Variants in SOX5 observed in about 807,000 individuals in gnomAD.
The protein encoded by SOX5 is SRY-box transcription factor 5, also known as transcription factor SOX-5.
A neutral mutation model predicts 92.0 loss-of-function variants in SOX5; 9 were observed. That is an observed-to-expected ratio of 0.10 (90% CI 0.06 to 0.17). The LOEUF (loss-of-function observed/expected upper bound fraction) is 0.17. Among genes scored for constraint, SOX5 ranks in the 10% least tolerant of loss-of-function variants. The probability of loss-of-function intolerance (pLI) is 1.00; values close to 1 mark genes in which losing one functional copy is unlikely to be tolerated. For missense variants in SOX5, 642 were observed against 944.5 expected (o/e 0.68, Z 4.20); for synonymous variants, 344 against 336.3 (o/e 1.02, Z -0.25).
chr12:24,110,008 A>G (rs933966424), intron 4 of SOX5, among the ~76,000 whole-genome samples: 2 of 152,218 alleles, frequency 1.3e-5, no homozygotes, highest in Non-Finnish European at 2.9e-5. Context: ...AGGTTTCAAC[A>G]TGAATTTTGG....
intron 11 of SOX5, among the ~76,000 whole-genome samples, chr12:23,560,736 C>T (rs1237063652): frequency 1.3e-5 from 2 of 152,172 alleles, no homozygotes; most frequent in Non-Finnish European, 2.9e-5. Flanking sequence ...GTAAGTGTGA[C>T]ATTATTATCT....
chr12:24,074,875 C>T (rs1368690931), intron 4 of SOX5, among the ~76,000 whole-genome samples: 6 of 136,288 alleles, frequency 4.4e-5, no homozygotes, highest in African/African-American at 1.5e-4. Context: ...GGATTACTTT[C>T]TTTTGTTTTT....
chr12:23,711,875 T>A (rs2092084890), intron 6 of SOX5, among the ~76,000 whole-genome samples: 1 of 152,202 alleles, frequency 6.6e-6, no homozygotes, highest in African/African-American at 2.4e-5. Context: ...CTATTAATAT[T>A]TTCTTTTTAA....
intron 1 of SOX5, among the ~76,000 whole-genome samples, chr12:23,943,961 G>C (rs1424736135): frequency 6.6e-6 from 1 of 152,084 alleles, no homozygotes; most frequent in African/African-American, 2.4e-5. Flanking sequence ...ACAAACCTGG[G>C]TAATTCTCAT....
intron 3 of SOX5, among the ~76,000 whole-genome samples, chr12:23,784,494 T>G (rs941354107): frequency 6.6e-6 from 1 of 151,932 alleles, no homozygotes; most frequent in Non-Finnish European, 1.5e-5. Flanking sequence ...GCCCGGCTAA[T>G]TTTTTGTATT....
At chr12:24,291,356 G>C (rs926072583) in intron 2 of SOX5, among the ~76,000 whole-genome samples, 19 of 152,190 alleles carry the variant, frequency 1.2e-4, no homozygotes, top group African/African-American at 4.1e-4. Flanking sequence ...GTAAGCTAAA[G>C]AGAGATCAAA....
chr12:24,107,738 T>C lies in SOX5; in HGVS notation c.-2+105605A>G, dbSNP rs117922762. 7.9e-5 allele frequency among the ~76,000 whole-genome samples: 12 copies of C among 152,276 alleles called. No homozygotes were observed. In the East Asian group the frequency reaches 1.9e-3, roughly 24 times the overall value. Reference sequence around the variant, plus strand: ...TAAGATTACAGGGGAGAGAAAAGAATTGAAAACAATCAATGTGTTGATGCC... The same window carrying C: ...TAAGATTACAGGGGAGAGAAAAGAACTGAAAACAATCAATGTGTTGATGCC... On this transcript the variant is annotated intron_variant, in intron 4 of 4. Coordinates refer to the SOX5 transcript ENST00000446891.
chr12:23,951,496 A>G (rs1406548435), upstream of SOX5, among the ~76,000 whole-genome samples: 1 of 152,168 alleles, frequency 6.6e-6, no homozygotes, highest in Admixed American at 6.5e-5. Flanking sequence ...AGACATTCAC[A>G]GTGATACATC....
intron 1 of SOX5, among the ~76,000 whole-genome samples, chr12:24,394,386 T>TC: frequency 6.6e-6 from 1 of 152,244 alleles, no homozygotes; most frequent in South Asian, 2.1e-4. Context: ...AGAGGCTGCT[T>TC]CCCAAGACTG....
chr12:24,277,083 C>G lies in SOX5; in HGVS notation c.-77+133G>C, dbSNP rs893309787. 3 of 151,870 alleles carry G rather than the reference C, an allele frequency of 2.0e-5. No individual in the cohort carries two copies. In the East Asian group the frequency reaches 5.8e-4, roughly 29 times the overall value. 9.4% of individuals were successfully genotyped at this position (151,870 alleles called of 1,614,324 possible). A position where few individuals can be genotyped will look rare whatever the true frequency, so the allele number is the denominator to read the frequency against. The stretch of plus-strand genomic sequence containing the variant: ...TGAATATAAAAGACTATGTACTATA[C>G]TTTTATATGCATATGTTTTATATAT... On this transcript the variant is annotated intron_variant, in intron 3 of 4. Transcript: ENST00000446891.
chr12:24,076,161 G>A (rs1485400085), intron 4 of SOX5, among the ~76,000 whole-genome samples: 1 of 152,050 alleles, frequency 6.6e-6, no homozygotes, highest in Non-Finnish European at 1.5e-5. Context: ...CTGGGTTTGG[G>A]TGGCTTGTTA....
Position 24,093,389 on chromosome 12 carries a change from G to A in SOX5, c.-2+119954C>T, listed in dbSNP as rs186479642. ...ACAAAAAAAACTAGCCAGGCGTGGTGGCGGGCGCCTGTAGTCCCAACTACT... is the reference window on the plus strand; with the variant it reads ...ACAAAAAAAACTAGCCAGGCGTGGTAGCGGGCGCCTGTAGTCCCAACTACT... On this transcript the variant is annotated intron_variant, in intron 4 of 4. Transcript: ENST00000446891. Among the ~76,000 whole-genome samples the A allele has an allele frequency of 5.0e-3, 754 of 152,136 alleles. 4 individuals carry two copies. Among genetic ancestry groups the A allele is most frequent in the Middle Eastern group, 0.02 (6 of 294 alleles).
At chr12:24,147,195 C>T (rs1951177020) in intron 4 of SOX5, among the ~76,000 whole-genome samples, 1 of 152,100 alleles carries the variant, frequency 6.6e-6, no homozygotes, top group Non-Finnish European at 1.5e-5. Flanking sequence ...TGACCAATGA[C>T]TCATGAACAT....
At chr12:23,711,887 C>A (rs1282541285) in intron 6 of SOX5, among the ~76,000 whole-genome samples, 1 of 152,048 alleles carries the variant, frequency 6.6e-6, no homozygotes, top group African/African-American at 2.4e-5. Flanking sequence ...TCTTTTTAAC[C>A]ACCATTTACC....
chr12:23,700,431 A>G (rs906030523), intron 6 of SOX5, among the ~76,000 whole-genome samples: 2 of 152,248 alleles, frequency 1.3e-5, no homozygotes, highest in South Asian at 4.1e-4. Flanking sequence ...TAATTCTCGT[A>G]AGAGCAGAAA....
chr12:24,370,246 G>A (rs1384397248), intron 1 of SOX5, among the ~76,000 whole-genome samples: 2 of 151,728 alleles, frequency 1.3e-5, no homozygotes, highest in East Asian at 3.9e-4. Flanking sequence ...AGGCCAAGAC[G>A]GGTGGATCAT....
intron 1 of SOX5, among the ~76,000 whole-genome samples, chr12:24,517,257 T>C (rs991480723): frequency 6.6e-6 from 1 of 152,164 alleles, no homozygotes; most frequent in Non-Finnish European, 1.5e-5. Flanking sequence ...AAATTCTGAA[T>C]AGCTTGTAAA....
chr12:23,577,949 G>T (rs1949431004), intron 9 of SOX5, among the ~76,000 whole-genome samples: 1 of 150,970 alleles, frequency 6.6e-6, no homozygotes, highest in Non-Finnish European at 1.5e-5. Flanking sequence ...GTGAAACTTT[G>T]TTTCTACTAA....
rs75507864 is a variant in SOX5, at chr12:24,421,366, A to G, written c.-250-52727T>C. Among the ~76,000 whole-genome samples, 682 of 152,330 alleles carry G rather than the reference A, an allele frequency of 4.5e-3. 11 individuals carry two copies. The East Asian group carries it at 0.051, about 11-fold the overall frequency. ...ATGACAAGAAAAAAAGTAGGATGGT[A>G]TGTTACACGCTTGTATGTCACTAAT... On this transcript the variant is annotated intron_variant, in intron 1 of 4. Transcript: ENST00000446891.
Sources: gnomAD v4.1 joint callset for allele counts (sites outside exome capture counted in the v4.1 genomes callset) on GRCh38, gnomAD v4.1.1 for gene constraint, MANE v1.5 for transcripts, NCBI Gene and HGNC (gene_info 2026-07-23, HGNC 2026-07-21) for gene names.